The following RAMP1 variants were observed in gnomAD, a reference collection of about 807,000 sequenced individuals.
RAMP1 encodes receptor activity modifying protein 1, also known as receptor activity-modifying protein 1.
RAMP1 carries 7 observed loss-of-function variants against 8.2 expected under a neutral mutation model. The observed-to-expected ratio is 0.85, with a 90% confidence interval of 0.49 to 1.60. The LOEUF is 1.60. RAMP1 is among the 40% of genes most tolerant of loss of function. The pLI is 0.00. For synonymous variants in RAMP1, 92 were observed against 84.7 expected (o/e 1.09, Z -0.47); for missense variants, 192 against 202.4 (o/e 0.95, Z 0.31).
chr2:237,904,591 G>A (rs2062635845), intron 2 of RAMP1, among the ~76,000 whole-genome samples: 1 of 152,174 alleles, frequency 6.6e-6, no homozygotes, highest in African/African-American at 2.4e-5. Flanking sequence ...CCGAGCAACA[G>A]AGCAAAACGC....
At chr2:237,863,471 G>C (rs1288312135) in intron 1 of RAMP1, among the ~76,000 whole-genome samples, 1 of 152,208 alleles carries the variant, frequency 6.6e-6, no homozygotes, top group Non-Finnish European at 1.5e-5. Context: ...TGGAGGACCT[G>C]TTTCTCCTTA....
chr2:237,909,270 A>G (rs796956542), intron 2 of RAMP1, among the ~76,000 whole-genome samples: 67 of 152,288 alleles, frequency 4.4e-4, no homozygotes, highest in African/African-American at 1.5e-3. Flanking sequence ...GCAGCCCTCC[A>G]GCCTTCCCAA....
chr2:237,904,436 C>G (rs930756751), intron 2 of RAMP1, among the ~76,000 whole-genome samples: 13 of 150,840 alleles, frequency 8.6e-5, no homozygotes, highest in Non-Finnish European at 1.9e-4. Flanking sequence ...GAATAAAAAT[C>G]AAAATAAATA....
At chr2:237,870,611 A>T (rs1186099231) in intron 1 of RAMP1, among the ~76,000 whole-genome samples, 3 of 152,114 alleles carry the variant, frequency 2.0e-5, no homozygotes, top group Non-Finnish European at 4.4e-5. Context: ...TTTATGACTT[A>T]AAAAAATGAG....
chr2:237,900,461 TA>T (rs748402661), intron 2 of RAMP1, among the ~76,000 whole-genome samples: 161 of 44,544 alleles, frequency 3.6e-3, no homozygotes, highest in Non-Finnish European at 6.5e-3. Context: ...GCACCTGGCC[TA>T]TATTGCTTCT....
At chr2:237,909,499 C>T (rs985182848) in intron 2 of RAMP1, among the ~76,000 whole-genome samples, 3 of 152,090 alleles carry the variant, frequency 2.0e-5, no homozygotes, top group African/African-American at 4.8e-5. Context: ...CCATGAAACG[C>T]CAGAGGGGCC....
In RAMP1 at chr2:237,900,767, T is replaced by A. The variant is rs1248500495; in HGVS notation, c.192-10761T>A. On this transcript the variant is annotated intron_variant, in intron 2 of 2. Coordinates refer to ENST00000254661, the MANE Select transcript of RAMP1 (RefSeq NM_005855.4). ...TTCTAGGAATTCCATTTTTTTAAAT[T>A]TATCCTTTTTTTAAAACTAATTTTT... 8.5e-5 allele frequency among the ~76,000 whole-genome samples: 13 copies of A among 152,180 alleles called. No individual in the cohort carries two copies. The East Asian group carries it at 2.5e-3, about 29-fold the overall frequency.
chr2:237,898,287 T>G (rs1371654455), intron 2 of RAMP1, among the ~76,000 whole-genome samples: 1 of 152,238 alleles, frequency 6.6e-6, no homozygotes. Context: ...TTTCAAAGCA[T>G]TCCTGTCTCA....
intron 1 of RAMP1, chr2:237,874,807 A>G: frequency 2.9e-6 from 2 of 689,526 alleles, no homozygotes; most frequent in Non-Finnish European, 3.6e-6. Context: ...GAGGGCAGCC[A>G]AGAGGGTTCT....
intron 2 of RAMP1, among the ~76,000 whole-genome samples, chr2:237,882,820 A>AGGCCATTACCAGGTGTG (rs2062384440): frequency 7.0e-6 from 1 of 143,366 alleles, no homozygotes; most frequent in African/African-American, 2.7e-5. Flanking sequence ...GCCTGCAGGC[A>AGGCCATTACCAGGTGTG]GGCCATCACC....
chr2:237,886,264 G>A (rs978355451), intron 2 of RAMP1, among the ~76,000 whole-genome samples: 5 of 152,212 alleles, frequency 3.3e-5, no homozygotes, highest in African/African-American at 7.2e-5. Context: ...GCGCGTGACC[G>A]TGGTTGTGCA....
chr2:237,880,532 G>T (rs979134487), intron 2 of RAMP1, among the ~76,000 whole-genome samples: 1 of 152,304 alleles, frequency 6.6e-6, no homozygotes, highest in Non-Finnish European at 1.5e-5. Context: ...CAGGGATTTA[G>T]ATGGAACCCA....
intron 2 of RAMP1, among the ~76,000 whole-genome samples, chr2:237,885,804 G>GC (rs919226025): frequency 2.6e-5 from 4 of 152,114 alleles, no homozygotes; most frequent in Admixed American, 1.3e-4. Flanking sequence ...CCCACCCTCT[G>GC]CCCCCCCTGG....
intron 1 of RAMP1, among the ~76,000 whole-genome samples, chr2:237,860,685 G>GTGT (rs3834116): frequency 0.18 from 27,102 of 152,198 alleles, 2,873 homozygotes; most frequent in South Asian, 0.29. Context: ...TTTCTGGTAT[G>GTGT]TGTGGCCTTT....
At chr2:237,892,850 T>G (rs1028125727) in intron 2 of RAMP1, among the ~76,000 whole-genome samples, 1 of 152,156 alleles carries the variant, frequency 6.6e-6, no homozygotes, top group South Asian at 2.1e-4. Context: ...CTGTCTTCTA[T>G]GTAATTTGGT....
At chr2:237,869,642 A>G (rs1458362146) in intron 1 of RAMP1, among the ~76,000 whole-genome samples, 1 of 152,242 alleles carries the variant, frequency 6.6e-6, no homozygotes, top group Non-Finnish European at 1.5e-5. Flanking sequence ...TGGATAGACC[A>G]CACTGTGTTT....
intron 2 of RAMP1, among the ~76,000 whole-genome samples, chr2:237,884,504 C>A (rs1158691474): frequency 2.0e-5 from 3 of 152,110 alleles, no homozygotes; most frequent in African/African-American, 7.2e-5. Flanking sequence ...TTTTTAAAAG[C>A]CTCACGTCAG....
intron 1 of RAMP1, among the ~76,000 whole-genome samples, chr2:237,876,444 T>TC (rs2062304475): frequency 1.4e-5 from 2 of 147,114 alleles, no homozygotes. Context: ...GGGCTGGGGG[T>TC]CCCCCCTGGG....
chr2:237,880,511 T>G (rs2062357651), intron 2 of RAMP1, among the ~76,000 whole-genome samples: 2 of 152,164 alleles, frequency 1.3e-5, no homozygotes, highest in African/African-American at 4.8e-5. Flanking sequence ...TGTGTGGGTG[T>G]ACACACATCC....
Sources: allele counts gnomAD v4.1 joint callset (sites outside exome capture counted in the v4.1 genomes callset), GRCh38; gene constraint gnomAD v4.1.1; transcripts MANE v1.5; gene names NCBI Gene and HGNC (gene_info 2026-07-23, HGNC 2026-07-21).